The following PCDHA8 variants were observed in gnomAD, a reference collection of about 807,000 sequenced individuals.
The protein encoded by PCDHA8 is protocadherin alpha 8, also known as protocadherin alpha-8.
PCDHA8 carries 53 observed loss-of-function variants against 61.8 expected under a neutral mutation model. The observed-to-expected ratio is 0.86, with a 90% CI of 0.69 to 1.08. The LOEUF (loss-of-function observed/expected upper bound fraction) is 1.08. Among genes scored for constraint, PCDHA8 ranks in the 50% least tolerant of loss-of-function variants. The pLI is 0.00. For missense variants in PCDHA8, 1,293 were observed against 1,245.0 expected, an observed-to-expected ratio of 1.04 and a Z score of -0.58; for synonymous variants, 618 against 556.6, an observed-to-expected ratio of 1.11 and a Z score of -1.55.
chr5:140,998,805 C>T (rs1226450562), intron 3 of PCDHA8, among the ~76,000 whole-genome samples: 1 of 152,204 alleles, frequency 6.6e-6, no homozygotes, highest in Admixed American at 6.5e-5. Flanking sequence ...CTCAGGTGAT[C>T]TGCCTGCCTT....
intron 1 of PCDHA8, chr5:140,861,242 A>T (rs1554154320): frequency 6.0e-6 from 1 of 165,896 alleles, no homozygotes; most frequent in African/African-American, 2.4e-5. Context: ...TGCTAGACAA[A>T]GTGGCCAGGA....
chr5:140,841,917 C>T lies in PCDHA8; in HGVS notation c.596C>T (p.Ser199Phe), dbSNP rs1777584856. Residue 199 changes from serine to phenylalanine, a missense_variant, in exon 1 of 4, where the codon TCC (serine) becomes TTC (phenylalanine). Coordinates refer to ENST00000531613, the MANE Select transcript of PCDHA8 (RefSeq NM_018911.3). The stretch of plus-strand genomic sequence containing the variant: ...CTGGTTGAGCTCGTATTAAGAAAAT[C>T]CTTGGACAGAGAGGACGCTCCTGCG... ...NKLVELVLRK[S>F]LDREDAPAHH... 1.2e-6 allele frequency: 2 copies of T among 1,613,834 alleles called. No individual in the cohort carries two copies. The highest frequency in any genetic ancestry group is 1.7e-5 in the Admixed American group (1 of 60,002).
At chr5:140,855,966 TAAGAA>T in intron 1 of PCDHA8, 1 of 1,422,780 alleles carries the variant, frequency 7.0e-7, no homozygotes, top group Non-Finnish European at 9.5e-7. Context: ...AAAATAGATA[TAAGAA>T]ATAGGACAGA....
intron 1 of PCDHA8, chr5:140,868,455 A>C (rs2050469160): frequency 6.6e-6 from 1 of 152,444 alleles, no homozygotes; most frequent in Non-Finnish European, 1.5e-5. Flanking sequence ...TAAACACTAA[A>C]GAGCTGCTTT....
chr5:140,887,242 G>A (rs1445154638), intron 1 of PCDHA8, among the ~76,000 whole-genome samples: 2 of 151,722 alleles, frequency 1.3e-5, no homozygotes, highest in African/African-American at 4.8e-5. Flanking sequence ...GACTACCGGC[G>A]CCCGCCACCA....
intron 1 of PCDHA8, chr5:140,868,995 A>G (rs944875255): frequency 4.0e-6 from 6 of 1,516,046 alleles, no homozygotes; most frequent in Non-Finnish European, 5.3e-6. Context: ...CCACCGTTTA[A>G]GGATCCTTTG....
At position 140,841,343 on chromosome 5, in the gene PCDHA8, G is replaced by T. The variant is rs1554138115; in HGVS notation, c.22G>T (p.Glu8Ter). 1 of 1,612,324 alleles carries T rather than the reference G, an allele frequency of 6.2e-7. No individual in the cohort carries two copies. The highest frequency in any genetic ancestry group is 8.5e-7 in the Non-Finnish European group (1 of 1,178,972). Reference protein sequence around the residue: MDYHWRGELGSWRLLLLL... With the variant: MDYHWRG ...TAACATGGATTATCACTGGCGAGGA[G>T]AGCTGGGATCCTGGCGACTACTACT... The change falls in exon 1 of 4, where the codon GAG (glutamate) becomes TAG (stop). Residue 8 changes from glutamate (E) to a stop codon, truncating the protein, a stop_gained. Coordinates refer to ENST00000531613, the MANE Select transcript of PCDHA8 (RefSeq NM_018911.3). LOFTEE classifies it high-confidence loss of function.
chr5:140,928,262 A>G, intron 1 of PCDHA8: 1 of 1,614,214 alleles, frequency 6.2e-7, no homozygotes, highest in Non-Finnish European at 8.5e-7. Flanking sequence ...GTTGCTGAAA[A>G]CAATGGCCCT....
chr5:140,934,515 C>A (rs1163045974), intron 1 of PCDHA8, among the ~76,000 whole-genome samples: 1 of 152,214 alleles, frequency 6.6e-6, no homozygotes, highest in Admixed American at 6.5e-5. Context: ...GGTCCATAGA[C>A]CACACTTCGA....
intron 1 of PCDHA8, chr5:140,930,569 A>G (rs1448447791): frequency 6.6e-6 from 1 of 152,542 alleles, no homozygotes; most frequent in Non-Finnish European, 1.5e-5. Flanking sequence ...AAGCAATTCT[A>G]CGGTATTACT....
rs1448564423 is a variant in PCDHA8 at position 140,841,223 on chromosome 5, A to G, written c.-99A>G. 4.8e-6 allele frequency: 7 copies of G among 1,448,108 alleles called. No homozygotes were observed. In the Admixed American group the frequency reaches 6.8e-5, roughly 14 times the overall value. The allele number at this position is 1,448,108 out of a possible 1,614,324, so 89.7% of individuals were successfully genotyped here. ...CAGCATCTGTCTCTAAAGGCCGAAC[A>G]ACGGGAGATGCAGCGGAATTGGATT... is the stretch of plus-strand genomic sequence containing the variant. On this transcript the variant is annotated 5_prime_UTR_variant, in exon 1 of 4. Transcript: ENST00000531613.
intron 1 of PCDHA8, among the ~76,000 whole-genome samples, chr5:140,969,768 T>G (rs1250957386): frequency 1.3e-5 from 2 of 152,198 alleles, no homozygotes; most frequent in Admixed American, 1.3e-4. Context: ...CTCTGAGGCC[T>G]CTAGGGGCTA....
intron 1 of PCDHA8, among the ~76,000 whole-genome samples, chr5:140,913,558 G>C (rs1042223174): frequency 2.6e-5 from 4 of 151,668 alleles, no homozygotes; most frequent in African/African-American, 4.8e-5. Flanking sequence ...TTGATCTCTT[G>C]TATTTTCATC....
At chr5:140,877,192 G>A in intron 1 of PCDHA8, 2 of 1,613,846 alleles carry the variant, frequency 1.2e-6, no homozygotes, top group Non-Finnish European at 1.7e-6. Flanking sequence ...TGGCAGCGCA[G>A]GAGGCGCAGT....
At position 140,841,443 on chromosome 5, in the gene PCDHA8, A is replaced by G. The variant is rs2150315650; in HGVS notation, c.122A>G (p.His41Arg). 1.2e-6 allele frequency: 2 copies of G among 1,612,892 alleles called. 1 individual carries two copies. Among genetic ancestry groups the G allele is most frequent in the Non-Finnish European group, 1.7e-6 (2 of 1,179,848 alleles). The change falls in exon 1 of 4, where the codon CAC (histidine) becomes CGC (arginine). Residue 41 changes from histidine (H) to arginine (R), a missense_variant. His to Arg is a conservative substitution (Grantham distance 29). Transcript: ENST00000531613. ...LHYSVPEEAK[H>R]GTFVGRIAQD... ...TACTCCGTCCCCGAGGAGGCCAAAC[A>G]CGGCACCTTCGTGGGCCGGATCGCG...
chr5:140,845,922 T>C (rs2150382652), intron 1 of PCDHA8, among the ~76,000 whole-genome samples: 7 of 149,894 alleles, frequency 4.7e-5, no homozygotes, highest in African/African-American at 7.3e-5. Flanking sequence ...CTTATTTTTG[T>C]GTAAAACTAT....
chr5:140,943,640 A>G (rs1288085106), intron 1 of PCDHA8, among the ~76,000 whole-genome samples: 1 of 152,224 alleles, frequency 6.6e-6, no homozygotes, highest in African/African-American at 2.4e-5. Context: ...TGGATTATGG[A>G]TAAAACCATC....
chr5:140,853,741 G>C, intron 1 of PCDHA8: 1 of 988,438 alleles, frequency 1.0e-6, no homozygotes, highest in East Asian at 1.1e-4. Flanking sequence ...TGAATGTTCT[G>C]GTTCAAGGCT....
intron 1 of PCDHA8, among the ~76,000 whole-genome samples, chr5:140,905,949 A>T (rs897929607): frequency 2.0e-5 from 3 of 152,242 alleles, no homozygotes; most frequent in African/African-American, 7.2e-5. Context: ...TTGGAATCCG[A>T]TGTTCAAGGG....
Sources: allele counts gnomAD v4.1 joint callset (sites outside exome capture counted in the v4.1 genomes callset), GRCh38; gene constraint gnomAD v4.1.1; transcripts MANE v1.5; gene names NCBI Gene and HGNC (gene_info 2026-07-23, HGNC 2026-07-21).